The following TUBGCP5 variants were observed in gnomAD, a reference collection of about 807,000 sequenced individuals.
TUBGCP5 encodes the protein gamma-tubulin complex component 5.
In TUBGCP5, 98 loss-of-function variants were observed where a neutral mutation model predicts 134.7. The ratio of observed to expected loss-of-function variants is 0.73; its 90% CI spans 0.62 to 0.86. The LOEUF is 0.86. TUBGCP5 is among the 40% of genes least tolerant of loss of function. The pLI is 0.00. For missense variants in TUBGCP5, 1,150 were observed against 1,244.8 expected (o/e 0.92, Z 1.15); for synonymous variants, 456 against 431.4 (o/e 1.06, Z -0.71).
rs1404316841 is a variant in TUBGCP5 at position 22,999,602 on chromosome 15, T to C, written c.*218A>G. The C allele has an allele frequency of 1.4e-5, 8 of 559,382 alleles. No individual in the cohort carries two copies. The highest frequency in any genetic ancestry group is 9.1e-5 in the Admixed American group (3 of 33,064). The allele number at this position is 559,382 out of a possible 1,614,324, so 34.7% of individuals were successfully genotyped here. The stretch of plus-strand genomic sequence containing the variant: ...TTTTGGTAGACACCGGGTTTCACCA[T>C]GTTGCCCAGGCTGGCCTCAAACTCC... On this transcript the variant is annotated 3_prime_UTR_variant, in exon 23 of 23. Transcript: ENST00000615383.
chr15:22,990,953 G>A (rs958500702), intron 23 of TUBGCP5, among the ~76,000 whole-genome samples: 55 of 152,104 alleles, frequency 3.6e-4, no homozygotes, highest in Non-Finnish European at 1.8e-4. Context: ...AGAATGGCGC[G>A]GCCATGGCCC....
At chr15:23,030,811 T>C (rs1366078648) in intron 6 of TUBGCP5, 74 bp downstream of exon 6, 2 of 1,564,872 alleles carry the variant, frequency 1.3e-6, no homozygotes, top group Non-Finnish European at 8.7e-7. Flanking sequence ...TACATGGAAC[T>C]GATCTCAAAG....
chr15:23,000,135 C>T, intron 22 of TUBGCP5: 3 of 665,200 alleles, frequency 4.5e-6, no homozygotes, highest in Non-Finnish European at 4.4e-6. Context: ...GGTCTTCCAA[C>T]TCCTGACCTT....
intron 23 of TUBGCP5, among the ~76,000 whole-genome samples, chr15:22,986,256 A>G (rs569025611): frequency 6.6e-6 from 1 of 152,148 alleles, no homozygotes; most frequent in Non-Finnish European, 1.5e-5. Context: ...TGGTGCCACT[A>G]TGGAAAACAA....
chr15:22,996,016 T>C (rs1370034036), downstream of TUBGCP5, among the ~76,000 whole-genome samples: 1 of 152,230 alleles, frequency 6.6e-6, no homozygotes, highest in Non-Finnish European at 1.5e-5. Context: ...TGTTGATCCA[T>C]CTACCTCTTC....
chr15:23,032,742 C>A lies in TUBGCP5; in HGVS notation c.392G>T (p.Arg131Ile). 1.3e-6 allele frequency: 2 copies of A among 1,581,884 alleles called. No individual in the cohort carries two copies. The highest frequency in any genetic ancestry group is 1.7e-6 in the Non-Finnish European group (2 of 1,167,164). The change falls in exon 4 of 23, where the codon AGA (arginine) becomes ATA (isoleucine). Residue 131 changes from arginine to isoleucine, a missense_variant. Physicochemically the swap from Arg to Ile is moderately conservative, Grantham distance 97 (BLOSUM62 -3). Transcript: ENST00000615383. ...PSNSSYVETP[R>I]NKEVEKKDDF... ...TAGTAACATACCCACTTCTTTATTTCTTGGTGTCTCCACATAACTGCTGTT... is the reference window on the plus strand; with the variant it reads ...TAGTAACATACCCACTTCTTTATTTATTGGTGTCTCCACATAACTGCTGTT...
intron 11 of TUBGCP5, among the ~76,000 whole-genome samples, chr15:23,020,584 C>CAAAAAAAAAAAAAAAAAAAAAAAAAA (rs542905350): frequency 2.6e-5 from 2 of 76,246 alleles, no homozygotes; most frequent in Non-Finnish European, 4.9e-5. Context: ...GACTACGTCT[C>CAAAAAAAAAAAAAAAAAAAAAAAAAA]AAAAAAAAAA....
At chr15:23,030,828 T>C in intron 6 of TUBGCP5, 57 bp downstream of exon 6, 4 of 1,590,868 alleles carry the variant, frequency 2.5e-6, no homozygotes, top group Non-Finnish European at 3.4e-6. Context: ...AAAGTTTGCC[T>C]TTCCTTCTAG....
Position 23,005,489 on chromosome 15 carries a change from G to A in TUBGCP5, c.2655C>T (p.Leu885=), listed in dbSNP as rs747156002. The change falls in exon 19 of 23, where the codon CTC becomes CTT. Residue 885 remains leucine (L), a synonymous_variant. Transcript: ENST00000615383. ...PVRQQIHRMF[L]LRVKLMHFVN... Reference sequence around the variant, plus strand: ...CGAAATGCATGAGCTTCACTCTTAAGAGGAACATGCGATGAATCTGCTGTC... The same window carrying A: ...CGAAATGCATGAGCTTCACTCTTAAAAGGAACATGCGATGAATCTGCTGTC... 2 of 1,614,068 alleles carry A rather than the reference G, an allele frequency of 1.2e-6. No individual in the cohort carries two copies. Among genetic ancestry groups the A allele is most frequent in the Non-Finnish European group, 1.7e-6 (2 of 1,180,052 alleles).
intron 23 of TUBGCP5, among the ~76,000 whole-genome samples, chr15:22,990,489 G>GT (rs1255885511): frequency 6.6e-6 from 1 of 152,174 alleles, no homozygotes; most frequent in East Asian, 1.9e-4. Context: ...GAAAGCAGAA[G>GT]TAACAGGTAG....
chr15:23,021,846 G>T, intron 11 of TUBGCP5, 113 bp downstream of exon 11: 1 of 1,168,524 alleles, frequency 8.6e-7, no homozygotes. Context: ...TAAAAACTCT[G>T]AACTGTCTGA....
intron 5 of TUBGCP5, 45 bp from the exon 6 acceptor site, chr15:23,031,065 C>CCTG: frequency 6.6e-7 from 1 of 1,517,054 alleles, no homozygotes; most frequent in South Asian, 1.3e-5. Context: ...GAGTATAACA[C>CCTG]TTAAAGCTAT....
intron 13 of TUBGCP5, among the ~76,000 whole-genome samples, chr15:23,016,308 C>G (rs565981225): frequency 6.6e-6 from 1 of 152,146 alleles, no homozygotes; most frequent in Non-Finnish European, 1.5e-5. Flanking sequence ...GCCTGGCCAA[C>G]ATGGTGAAAC....
In TUBGCP5 at chr15:23,017,873, G is replaced by A; in HGVS notation, c.1656C>T (p.Leu552=). ...TTATGATCTGCTTCAGGACAGGTTT[G>A]AGGAAGGACACCATGGTGTGCTGCC... ...SSRQHTMVSF[L]KPVLKQIIMA... The change falls in exon 13 of 23, where the codon CTC becomes CTT. Residue 552 remains leucine, a synonymous_variant. Coordinates refer to ENST00000615383, the MANE Select transcript of TUBGCP5 (RefSeq NM_052903.6). The A allele has an allele frequency of 1.1e-5, 17 of 1,614,112 alleles. No individual in the cohort carries two copies. Among genetic ancestry groups the A allele is most frequent in the Non-Finnish European group, 1.3e-5 (15 of 1,179,986 alleles).
intron 16 of TUBGCP5, chr15:23,008,498 A>G: frequency 1.6e-6 from 1 of 641,098 alleles, no homozygotes; most frequent in Non-Finnish European, 2.7e-6. Flanking sequence ...ACCTCAGGTG[A>G]TCCACCGCCT....
Position 23,032,775 on chromosome 15 carries a change from G to C in TUBGCP5, c.359C>G (p.Ser120Cys), listed in dbSNP as rs1436197846. 2.5e-6 allele frequency: 4 copies of C among 1,596,466 alleles called. No homozygotes were observed. Among genetic ancestry groups the C allele is most frequent in the Non-Finnish European group, 3.4e-6 (4 of 1,173,564 alleles). Residue 120 changes from serine (S) to cysteine (C), a missense_variant, in exon 4 of 23, where the codon TCT (serine) becomes TGT (cysteine). Around this residue, in one of 2 missense-constraint regions of TUBGCP5, gnomAD observed 453 missense variants for 394.7 expected, o/e 1.15. Transcript: ENST00000615383. ...ILSLLLCLSD[S>C]PSNSSYVETP... ...CTCCACATAACTGCTGTTTGAAGGA[G>C]AGTCTGACAGACACAGAAGAAGTGA...
At chr15:23,001,345 C>T (rs1218580591) in intron 21 of TUBGCP5, among the ~76,000 whole-genome samples, 3 of 141,334 alleles carry the variant, frequency 2.1e-5, no homozygotes, top group Admixed American at 2.1e-4. Context: ...GCCTGGCTGC[C>T]TTTTTTTTTT....
intron 21 of TUBGCP5, among the ~76,000 whole-genome samples, chr15:23,001,658 T>C (rs902228043): frequency 2.0e-5 from 3 of 151,834 alleles, no homozygotes; most frequent in African/African-American, 7.3e-5. Flanking sequence ...TCTTTCTTTT[T>C]TTTTTTTTTA....
In TUBGCP5 at chr15:23,005,418, G is replaced by A. The variant is rs1567106754; in HGVS notation, c.2712+14C>T. The A allele has an allele frequency of 6.2e-7, 1 of 1,612,736 alleles. No individual in the cohort carries two copies. The highest frequency in any genetic ancestry group is 1.7e-5 in the Admixed American group (1 of 59,948). ...TACGACGATAGAACTGAAGCAGATG[G>A]GAGAGGCACAAACCCTGGTCATGAT... On this transcript the variant is annotated intron_variant, in intron 19 of 22. Transcript: ENST00000615383.
Sources: gnomAD v4.1 joint callset for allele counts (sites outside exome capture counted in the v4.1 genomes callset) on GRCh38, gnomAD v4.1.1 for gene constraint, gnomAD v4.1.1 regional missense constraint, MANE v1.5 for transcripts, NCBI Gene and HGNC (gene_info 2026-07-23, HGNC 2026-07-21) for gene names.